ESRRG: variants seen among roughly 807,000 people sequenced by gnomAD.
ESRRG encodes estrogen related receptor gamma.
In ESRRG, 13 loss-of-function variants were observed where a neutral mutation model predicts 44.0. That is an observed-to-expected ratio of 0.30 (90% CI 0.19 to 0.47). The LOEUF is 0.47. Ranked by LOEUF, ESRRG falls within the 20% of genes least tolerant of loss-of-function variation. The probability of loss-of-function intolerance (pLI) is 1.00; values close to 1 mark genes in which losing one functional copy is unlikely to be tolerated. For missense variants in ESRRG, 395 were observed against 580.6 expected (o/e 0.68, Z 3.29); for synonymous variants, 215 against 214.6 (o/e 1.00, Z -0.02).
chr1:216,529,872 G>A (rs1436133411), intron 5 of ESRRG, among the ~76,000 whole-genome samples: 1 of 151,932 alleles, frequency 6.6e-6, no homozygotes, highest in African/African-American at 2.4e-5. Context: ...AGCACTTTGG[G>A]AGGCCCAGGT....
At chr1:216,959,935 G>A (rs1451158462) in intron 1 of ESRRG, among the ~76,000 whole-genome samples, 1 of 152,066 alleles carries the variant, frequency 6.6e-6, no homozygotes, top group African/African-American at 2.4e-5. Context: ...AGAATTCCAG[G>A]AGGAACTATT....
At chr1:216,884,343 G>A (rs956878072) in intron 2 of ESRRG, among the ~76,000 whole-genome samples, 12 of 152,328 alleles carry the variant, frequency 7.9e-5, no homozygotes, top group Admixed American at 6.5e-5. Context: ...TTACACACAC[G>A]ATTCCAGAGA....
intron 1 of ESRRG, among the ~76,000 whole-genome samples, chr1:217,095,281 T>C (rs138082379): frequency 6.6e-6 from 1 of 152,334 alleles, no homozygotes; most frequent in East Asian, 1.9e-4. Context: ...GCCTCAGTCA[T>C]CAAAGACATT....
chr1:216,590,073 A>G (rs2149981634), intron 3 of ESRRG, among the ~76,000 whole-genome samples: 1 of 152,130 alleles, frequency 6.6e-6, no homozygotes, highest in East Asian at 1.9e-4. Flanking sequence ...GTATAAATGC[A>G]TATTCTCCAA....
chr1:217,069,449 A>G (rs995093208), intron 1 of ESRRG, among the ~76,000 whole-genome samples: 1 of 151,116 alleles, frequency 6.6e-6, no homozygotes, highest in Non-Finnish European at 1.5e-5. Flanking sequence ...ATACATATAT[A>G]TAGATAGCAC....
intron 1 of ESRRG, among the ~76,000 whole-genome samples, chr1:216,684,805 A>AG (rs1320328454): frequency 6.6e-6 from 1 of 152,218 alleles, no homozygotes; most frequent in Non-Finnish European, 1.5e-5. Flanking sequence ...CTGTAACAGT[A>AG]GGGGGGAAAT....
At chr1:216,909,845 G>C (rs1234275931) in intron 2 of ESRRG, among the ~76,000 whole-genome samples, 1 of 152,074 alleles carries the variant, frequency 6.6e-6, no homozygotes, top group South Asian at 2.1e-4. Flanking sequence ...ATTGTTATGG[G>C]CTCTTTTCAG....
intron 2 of ESRRG, among the ~76,000 whole-genome samples, chr1:216,730,305 T>TAAAAAAAAAAAAAAAAAAAGAAA (rs11445965): frequency 8.2e-6 from 1 of 121,440 alleles, no homozygotes; most frequent in African/African-American, 3.1e-5. Context: ...CTTAGAAAGG[T>TAAAAAAAAAAAAAAAAAAAGAAA]AAAAAAAAAA....
intron 3 of ESRRG, among the ~76,000 whole-genome samples, chr1:216,603,813 A>G (rs2059557956): frequency 6.6e-6 from 1 of 152,094 alleles, no homozygotes; most frequent in Non-Finnish European, 1.5e-5. Context: ...TTGTAATCCC[A>G]GCTACTCGGC....
At chr1:216,854,172 C>CATG (rs1370574868) in intron 2 of ESRRG, among the ~76,000 whole-genome samples, 1 of 151,858 alleles carries the variant, frequency 6.6e-6, no homozygotes, top group Non-Finnish European at 1.5e-5. Context: ...TCCTGGCCAA[C>CATG]ATGATAAAAC....
chr1:216,980,084 C>T (rs771632158), intron 1 of ESRRG, among the ~76,000 whole-genome samples: 9 of 152,188 alleles, frequency 5.9e-5, no homozygotes, highest in Non-Finnish European at 1.2e-4. Flanking sequence ...TTTCCAATCC[C>T]AATTCTTTTA....
At chr1:216,882,960 C>T (rs1332758584) in intron 2 of ESRRG, among the ~76,000 whole-genome samples, 1 of 151,682 alleles carries the variant, frequency 6.6e-6, no homozygotes, top group African/African-American at 2.4e-5. Flanking sequence ...TCTCTAAAAG[C>T]ATAAGTCTAT....
chr1:216,721,573 G>A (rs906574688), intron 1 of ESRRG, among the ~76,000 whole-genome samples: 5 of 152,218 alleles, frequency 3.3e-5, no homozygotes, highest in Non-Finnish European at 7.3e-5. Context: ...TCATTTAAAT[G>A]CATCTGCTTT....
intron 1 of ESRRG, among the ~76,000 whole-genome samples, chr1:216,684,997 A>G (rs1431355744): frequency 6.6e-6 from 1 of 152,226 alleles, no homozygotes; most frequent in Non-Finnish European, 1.5e-5. Flanking sequence ...ACGGAAACAA[A>G]CATGCACAGC....
At chr1:216,617,714 A>G (rs927100009) in intron 3 of ESRRG, among the ~76,000 whole-genome samples, 4 of 152,182 alleles carry the variant, frequency 2.6e-5, no homozygotes, top group Non-Finnish European at 5.9e-5. Flanking sequence ...GATTAATGTT[A>G]TCTCTCTATT....
At chr1:216,565,166 T>C (rs1318581419) in intron 4 of ESRRG, among the ~76,000 whole-genome samples, 2 of 152,164 alleles carry the variant, frequency 1.3e-5, no homozygotes, top group Non-Finnish European at 2.9e-5. Flanking sequence ...TAAAAATCCT[T>C]CAAAAAATAA....
Position 217,133,983 on chromosome 1 carries a change from C to T in ESRRG, c.-230+3684G>A, listed in dbSNP as rs1261331813. On this transcript the variant is annotated intron_variant, in intron 1 of 8. Transcript: ENST00000366940. ...CATCTACCCATATCCCCGAATGTGG[C>T]CCAGAGTTAGTGGCAGAAACTTGTT... 2.0e-5 allele frequency among the ~76,000 whole-genome samples: 3 copies of T among 152,112 alleles called. No individual in the cohort carries two copies. In the East Asian group the frequency reaches 5.8e-4, roughly 29 times the overall value.
intron 3 of ESRRG, among the ~76,000 whole-genome samples, chr1:216,643,037 T>G (rs192153223): frequency 6.8e-4 from 104 of 152,296 alleles, no homozygotes; most frequent in African/African-American, 2.4e-3. Flanking sequence ...AGTAAGTTGC[T>G]CTTTGCTACT....
At chr1:216,563,429 T>C (rs537778483) in intron 5 of ESRRG, among the ~76,000 whole-genome samples, 13 of 152,158 alleles carry the variant, frequency 8.5e-5, no homozygotes, top group Non-Finnish European at 1.9e-4. Context: ...TTAAAGAAAT[T>C]ACTGTAGCAT....
Sources: allele counts gnomAD v4.1 joint callset (sites outside exome capture counted in the v4.1 genomes callset), GRCh38; gene constraint gnomAD v4.1.1; transcripts MANE v1.5; gene names NCBI Gene and HGNC (gene_info 2026-07-23, HGNC 2026-07-21).